IQSEC2: variants seen among roughly 807,000 people sequenced by gnomAD.
The protein encoded by IQSEC2 is IQ motif and Sec7 domain ArfGEF 2.
A neutral mutation model predicts 74.6 loss-of-function variants in IQSEC2; 6 were observed. The ratio of observed to expected loss-of-function variants is 0.08; its 90% confidence interval spans 0.04 to 0.16. The LOEUF is 0.16. IQSEC2 is among the 10% of genes least tolerant of loss of function. The pLI is 1.00. For synonymous variants in IQSEC2, 494 were observed against 544.5 expected (o/e 0.91, Z 1.29); for missense variants, 734 against 1,306.2 (o/e 0.56, Z 6.75).
At position 53,250,535 on chromosome X, in the gene IQSEC2, A is replaced by C. The variant is rs1556863072; in HGVS notation, c.2041T>G (p.Leu681Val). The change falls in exon 5 of 15, where the codon TTG becomes GTG. Residue 681 changes from leucine to valine, a missense_variant. Physicochemically the swap from Leu to Val is conservative, Grantham distance 32. Around this residue, in one of 12 missense-constraint regions of IQSEC2, gnomAD observed 204 missense variants for 305.4 expected, o/e 0.67. Coordinates refer to ENST00000642864, the MANE Select transcript of IQSEC2 (RefSeq NM_001111125.3). ...GPSGVAGGRR[L>V]GKCEAAGENS... ...TCGCCTGCTGCCTCGCACTTCCCCA[A>C]CCTCCGACCCCCAGCCACACCACTG... 8.3e-7 allele frequency: 1 copy of C among 1,210,562 alleles called. No homozygotes were observed. Among genetic ancestry groups the C allele is most frequent in the Non-Finnish European group, 1.1e-6 (1 of 895,237 alleles).
In IQSEC2 at chrX:53,250,313, G is replaced by A; in HGVS notation, c.2263C>T (p.Arg755Trp). The A allele has an allele frequency of 8.3e-7, 1 of 1,211,464 alleles. No homozygotes were observed. ...PAFNNDVVQR[R>W]HYRIGLNLFN... ...AGGTTGAGGCCGATTCGGTAGTGCCGCCTCTGGACCACATCATTGTTGAAA... is the reference window on the plus strand; with the variant it reads ...AGGTTGAGGCCGATTCGGTAGTGCCACCTCTGGACCACATCATTGTTGAAA... The change falls in exon 5 of 15, where the codon CGG becomes TGG. Residue 755 changes from arginine to tryptophan, a missense_variant. This residue lies in a region of IQSEC2 where 2 missense variants were observed against 28.2 expected (regional missense o/e 0.07). Transcript: ENST00000642864.
At chrX:53,239,431 T>TGGGGAGAATGGAAGCTTGAG in intron 10 of IQSEC2, 137 bp from the exon 11 acceptor site, 1 of 445,812 alleles carries the variant, frequency 2.2e-6, no homozygotes, top group Non-Finnish European at 3.9e-6. Flanking sequence ...GCCCACAAGC[T>TGGGGAGAATGGAAGCTTGAG]GGGGAGAATG....
chrX:53,228,690 C>T (rs898468761), downstream of IQSEC2: 1 of 111,820 alleles, frequency 8.9e-6, no homozygotes, highest in South Asian at 3.7e-4. Context: ...GTTCTGATTC[C>T]TAAATAGCTC....
At chrX:53,247,226 C>T in intron 7 of IQSEC2, 91 bp from the exon 8 acceptor site, 1 of 889,612 alleles carries the variant, frequency 1.1e-6, no homozygotes, top group Non-Finnish European at 1.6e-6. Flanking sequence ...CAACCCTTTC[C>T]TGCAAGAAAT....
At chrX:53,272,929 T>G (rs2074765835) in intron 2 of IQSEC2, among the ~76,000 whole-genome samples, 1 of 111,400 alleles carries the variant, frequency 9.0e-6, no homozygotes, top group African/African-American at 3.3e-5. Context: ...TCCCTCCTCT[T>G]CTAGAGCTGA....
At chrX:53,256,109 G>A (rs2074463762) in intron 2 of IQSEC2, 48 bp from the exon 3 acceptor site, 1 of 1,087,102 alleles carries the variant, frequency 9.2e-7, no homozygotes, top group Non-Finnish European at 1.2e-6. Flanking sequence ...CAGGACAGGG[G>A]CCTACTGGGC....
At chrX:53,279,724 T>G (rs868924780) in intron 2 of IQSEC2, 19 of 610,072 alleles carry the variant, frequency 3.1e-5, no homozygotes, top group African/African-American at 6.0e-5. Context: ...AGTGGCAGGG[T>G]GGGCGATGGG....
intron 2 of IQSEC2, among the ~76,000 whole-genome samples, chrX:53,275,728 C>CTTTTTTTT (rs1219701474): frequency 2.9e-4 from 24 of 81,680 alleles, no homozygotes; most frequent in East Asian, 4.2e-4. Context: ...TGCCCTCATT[C>CTTTTTTTT]TTTTTTTTTT....
intron 2 of IQSEC2, among the ~76,000 whole-genome samples, chrX:53,257,005 C>T (rs928517110): frequency 1.2e-4 from 13 of 111,650 alleles, no homozygotes; most frequent in Non-Finnish European, 1.3e-4. Context: ...CGCCTTGAGC[C>T]GAGCCTGCAC....
intron 2 of IQSEC2, chrX:53,279,363 T>G: frequency 2.5e-6 from 1 of 405,128 alleles, no homozygotes; most frequent in Non-Finnish European, 4.3e-6. Flanking sequence ...GGAAGGATTT[T>G]TTTAAGGAAG....
At chrX:53,228,989 A>T (rs1556858080), downstream of IQSEC2, 1 of 112,908 alleles carries the variant, frequency 8.9e-6, no homozygotes, top group African/African-American at 3.2e-5. Context: ...ATGACTCCAC[A>T]TTGATATAAG....
At chrX:53,315,102 G>C (rs1164018050) in intron 1 of IQSEC2, among the ~76,000 whole-genome samples, 1 of 111,961 alleles carries the variant, frequency 8.9e-6, no homozygotes, top group Non-Finnish European at 1.9e-5. Flanking sequence ...AAAAAATGAA[G>C]ATAATAGGCT....
At chrX:53,292,339 C>T (rs2075109104) in intron 1 of IQSEC2, among the ~76,000 whole-genome samples, 1 of 112,145 alleles carries the variant, frequency 8.9e-6, no homozygotes, top group Non-Finnish European at 1.9e-5. Context: ...CTGCCACTTA[C>T]CAGCCCCATG....
At chrX:53,309,731 G>A (rs781958581) in intron 1 of IQSEC2, among the ~76,000 whole-genome samples, 9 of 112,129 alleles carry the variant, frequency 8.0e-5, no homozygotes, top group African/African-American at 2.9e-4. Flanking sequence ...ATTTATACCT[G>A]CTTGAGTCAC....
chrX:53,235,838 C>G lies in IQSEC2; in HGVS notation c.3452-6G>C. 8.6e-7 allele frequency: 1 copy of G among 1,161,930 alleles called. No homozygotes were observed. ...GTTACGCCGCCCCCGCTTCCCTGCA[C>G]CCACAAGCAAGGAGCCCAGCGTCAG... On this transcript the variant is annotated splice_polypyrimidine_tract_variant and splice_region_variant and intron_variant, in intron 13 of 14. Coordinates refer to ENST00000642864, the MANE Select transcript of IQSEC2 (RefSeq NM_001111125.3).
At chrX:53,296,427 T>C (rs992875073) in intron 1 of IQSEC2, among the ~76,000 whole-genome samples, 12 of 111,808 alleles carry the variant, frequency 1.1e-4, no homozygotes, top group Non-Finnish European at 2.3e-4. Context: ...ACAGGTACCC[T>C]GGCCCAGAAA....
At chrX:53,240,899 C>G (rs1056103445) in intron 10 of IQSEC2, among the ~76,000 whole-genome samples, 1 of 110,343 alleles carries the variant, frequency 9.1e-6, no homozygotes, top group Non-Finnish European at 1.9e-5. Context: ...CTTGGCCTCC[C>G]CAGTAGCTGG....
downstream of IQSEC2, chrX:53,227,675 G>A (rs2074048338): frequency 1.1e-5 from 3 of 281,609 alleles, no homozygotes; most frequent in South Asian, 5.4e-4. Context: ...GGCCAGAGAA[G>A]GGTGAGGAGA....
At chrX:53,261,656 C>CCACACACACACACTCACACACA (rs1183551125) in intron 2 of IQSEC2, among the ~76,000 whole-genome samples, 3 of 108,683 alleles carry the variant, frequency 2.8e-5, no homozygotes, top group Admixed American at 2.0e-4. Context: ...ACGGACACAA[C>CCACACACACACACTCACACACA]CACACACACA....
Sources: gnomAD v4.1 joint callset for allele counts (sites outside exome capture counted in the v4.1 genomes callset) on GRCh38, gnomAD v4.1.1 for gene constraint, gnomAD v4.1.1 regional missense constraint, MANE v1.5 for transcripts, NCBI Gene and HGNC (gene_info 2026-07-23, HGNC 2026-07-21) for gene names.